The following TENM3 variants were observed in gnomAD, a reference collection of about 807,000 sequenced individuals.
TENM3 encodes the protein teneurin transmembrane protein 3, also known as teneurin-3.
Under a neutral mutation model 255.1 loss-of-function variants are expected in TENM3, and 63 were observed. The observed-to-expected ratio is 0.25, with a 90% CI of 0.20 to 0.30. The LOEUF is 0.30. TENM3 is among the 10% of genes least tolerant of loss of function. The probability of loss-of-function intolerance (pLI) is 1.00; values close to 1 mark genes in which losing one functional copy is unlikely to be tolerated. For synonymous variants in TENM3, 1,306 were observed against 1,322.3 expected, an observed-to-expected ratio of 0.99 and a Z score of 0.27; for missense variants, 2,929 against 3,461.1, an observed-to-expected ratio of 0.85 and a Z score of 3.86.
the TENM3 span, among the ~76,000 whole-genome samples, chr4:181,918,052 C>T: frequency 6.6e-6 from 1 of 152,174 alleles, no homozygotes; most frequent in African/African-American, 2.4e-5. Context: ...GTGCTTCTCA[C>T]TTTTCATCAG....
At chr4:182,673,533 G>GATA (rs1448351069) in intron 7 of TENM3, among the ~76,000 whole-genome samples, 8 of 152,156 alleles carry the variant, frequency 5.3e-5, no homozygotes, top group Non-Finnish European at 1.0e-4. Flanking sequence ...AAGATTCTAT[G>GATA]ATAATTTCCG....
At chr4:182,399,198 C>A (rs564330482) in intron 3 of TENM3, among the ~76,000 whole-genome samples, 2 of 152,266 alleles carry the variant, frequency 1.3e-5, no homozygotes, top group East Asian at 3.9e-4. Context: ...CACACCTTGG[C>A]TAAACTATGA....
intron 3 of TENM3, among the ~76,000 whole-genome samples, chr4:182,403,905 A>G (rs1056447624): frequency 6.6e-6 from 1 of 152,126 alleles, no homozygotes; most frequent in African/African-American, 2.4e-5. Flanking sequence ...ATTTCTTTGT[A>G]GAGACCAGGT....
the TENM3 span, among the ~76,000 whole-genome samples, chr4:181,498,497 G>T: frequency 6.6e-6 from 1 of 152,150 alleles, no homozygotes; most frequent in Middle Eastern, 3.2e-3. Flanking sequence ...GATGGTAAAG[G>T]ATGCCACATG....
intron 3 of TENM3, chr4:182,548,634 T>G (rs1306141661): frequency 6.6e-6 from 1 of 152,176 alleles, no homozygotes; most frequent in African/African-American, 2.4e-5. Flanking sequence ...CCTCCAATAC[T>G]TACAACAGAC....
rs529624543 is a variant in TENM3 at position 182,406,262 on chromosome 4, G to A, written c.511+59333G>A. ...AGAGGTTGCAGTGAGCCAAGATTGC[G>A]CCACTGCACTCCAGCCTGGGCCACA... is the stretch of plus-strand genomic sequence containing the variant. On this transcript the variant is annotated intron_variant, in intron 3 of 27. Transcript: ENST00000511685. Among the ~76,000 whole-genome samples, 557 of 151,912 alleles carry A rather than the reference G, an allele frequency of 3.7e-3. 3 individuals are homozygous for A. The highest frequency in any genetic ancestry group is 0.013 in the African/African-American group (518 of 41,418).
At chr4:182,139,457 T>C (rs1749243682), upstream of TENM3, among the ~76,000 whole-genome samples, 1 of 152,172 alleles carries the variant, frequency 6.6e-6, no homozygotes, top group African/African-American at 2.4e-5. Context: ...ATCTAACGGG[T>C]GTTGTTTGAC....
chr4:182,576,385 A>G (rs1383796809), intron 3 of TENM3, among the ~76,000 whole-genome samples: 1 of 152,144 alleles, frequency 6.6e-6, no homozygotes, highest in African/African-American at 2.4e-5. Context: ...GGTAATGCAA[A>G]TACTGCAATG....
the TENM3 span, among the ~76,000 whole-genome samples, chr4:181,784,151 G>A: frequency 3.6e-5 from 5 of 137,528 alleles, no homozygotes; most frequent in East Asian, 1.0e-3. Context: ...AAATGGAAAC[G>A]AGTCATCTGT....
chr4:182,729,683 C>CA, intron 14 of TENM3, among the ~76,000 whole-genome samples: 1 of 152,100 alleles, frequency 6.6e-6, no homozygotes, highest in Non-Finnish European at 1.5e-5. Flanking sequence ...TCTCACTGAG[C>CA]AAAAGAAGAT....
the TENM3 span, chr4:181,906,211 G>C: frequency 4.2e-6 from 1 of 235,780 alleles, no homozygotes; most frequent in Non-Finnish European, 8.5e-6. Flanking sequence ...AAAATGTCTG[G>C]ATTCTCCAGC....
chr4:182,517,674 C>T (rs539438748), intron 3 of TENM3, among the ~76,000 whole-genome samples: 7 of 130,056 alleles, frequency 5.4e-5, no homozygotes, highest in African/African-American at 1.5e-4. Context: ...TGAGCCACCG[C>T]GCCCGGCCAA....
At chr4:181,750,736 G>T in the TENM3 span, among the ~76,000 whole-genome samples, 2 of 152,114 alleles carry the variant, frequency 1.3e-5, no homozygotes, top group Admixed American at 6.5e-5. Context: ...TCTGAGATTT[G>T]TTGGGTCGGT....
intron 12 of TENM3, among the ~76,000 whole-genome samples, chr4:182,695,898 AG>A (rs1757363045): frequency 1.3e-5 from 2 of 152,214 alleles, no homozygotes; most frequent in Non-Finnish European, 2.9e-5. Flanking sequence ...AGTATTTATC[AG>A]AATTCCTGTG....
intron 12 of TENM3, among the ~76,000 whole-genome samples, chr4:182,688,882 C>T (rs181738710): frequency 4.6e-4 from 70 of 152,214 alleles, no homozygotes; most frequent in African/African-American, 1.7e-3. Flanking sequence ...GTACAAATCT[C>T]GCTGCTCTTA....
At chr4:182,779,191 A>G (rs1045096534) in intron 24 of TENM3, among the ~76,000 whole-genome samples, 4 of 151,632 alleles carry the variant, frequency 2.6e-5, no homozygotes, top group African/African-American at 7.3e-5. Flanking sequence ...GTATCTCCCA[A>G]TGCTATCCCT....
At chr4:182,405,265 C>T (rs1448896323) in intron 3 of TENM3, among the ~76,000 whole-genome samples, 1 of 152,206 alleles carries the variant, frequency 6.6e-6, no homozygotes, top group Non-Finnish European at 1.5e-5. Context: ...TATCGCTTCT[C>T]CTGAATGCCT....
At chr4:182,356,832 G>C (rs1448272661) in intron 3 of TENM3, among the ~76,000 whole-genome samples, 1 of 150,516 alleles carries the variant, frequency 6.6e-6, no homozygotes, top group Non-Finnish European at 1.5e-5. Flanking sequence ...TCGTCATCTA[G>C]CATTAGGTAT....
chr4:182,347,127 A>C (rs971814178), intron 3 of TENM3, among the ~76,000 whole-genome samples, 198 bp downstream of exon 3: 1 of 152,068 alleles, frequency 6.6e-6, no homozygotes, highest in Non-Finnish European at 1.5e-5. Flanking sequence ...CTGGAAAAAA[A>C]AATCAATATT....
Sources: gnomAD v4.1 joint callset for allele counts (sites outside exome capture counted in the v4.1 genomes callset) on GRCh38, gnomAD v4.1.1 for gene constraint, MANE v1.5 for transcripts, NCBI Gene and HGNC (gene_info 2026-07-23, HGNC 2026-07-21) for gene names.